Variants in KIAA1217 observed in about 807,000 individuals in gnomAD.
The protein encoded by KIAA1217 is KIAA1217, also known as sickle tail protein homolog.
KIAA1217 carries 88 observed loss-of-function variants against 163.9 expected under a neutral mutation model. The observed-to-expected ratio is 0.54, with a 90% confidence interval of 0.45 to 0.64. The LOEUF is 0.64. Among genes scored for constraint, KIAA1217 ranks in the 30% least tolerant of loss-of-function variants. The pLI, the probability that KIAA1217 is intolerant of heterozygous loss-of-function variation, is 0.00. For missense variants in KIAA1217, 2,372 were observed against 2,475.0 expected, an observed-to-expected ratio of 0.96 and a Z score of 0.88; for synonymous variants, 903 against 923.1, an observed-to-expected ratio of 0.98 and a Z score of 0.39.
At chr10:23,957,945 A>G (rs541031296) in intron 1 of KIAA1217, among the ~76,000 whole-genome samples, 33 of 152,334 alleles carry the variant, frequency 2.2e-4, no homozygotes, top group African/African-American at 7.0e-4. Flanking sequence ...CACCCCACAT[A>G]CAAGAGTTGC....
intron 1 of KIAA1217, among the ~76,000 whole-genome samples, chr10:23,839,231 T>C (rs1364858971): frequency 6.6e-6 from 1 of 152,214 alleles, no homozygotes; most frequent in Non-Finnish European, 1.5e-5. Context: ...CTTTCTTTTC[T>C]TGTTTCATGG....
intron 2 of KIAA1217, among the ~76,000 whole-genome samples, chr10:24,175,650 G>C (rs1274825653): frequency 3.9e-5 from 6 of 152,280 alleles, no homozygotes; most frequent in Admixed American, 2.0e-4. Flanking sequence ...GAGTGTTACA[G>C]TCCTTAAAGA....
intron 2 of KIAA1217, among the ~76,000 whole-genome samples, chr10:24,085,897 G>C (rs917303611): frequency 6.6e-6 from 1 of 151,970 alleles, no homozygotes; most frequent in African/African-American, 2.4e-5. Flanking sequence ...CACTTAAGCA[G>C]AGGAGGTTGA....
chr10:23,778,157 T>C (rs2130895708), intron 1 of KIAA1217, among the ~76,000 whole-genome samples: 1 of 152,232 alleles, frequency 6.6e-6, no homozygotes, highest in South Asian at 2.1e-4. Context: ...GTCAGGCTGG[T>C]CTTGAACTCC....
At chr10:24,039,255 A>G (rs959617658) in intron 2 of KIAA1217, among the ~76,000 whole-genome samples, 20 of 151,954 alleles carry the variant, frequency 1.3e-4, no homozygotes, top group Non-Finnish European at 2.5e-4. Flanking sequence ...CAGTGCAGAC[A>G]TCTATGTCAT....
chr10:24,258,586 C>CTT (rs34467674), intron 2 of KIAA1217, among the ~76,000 whole-genome samples: 20 of 138,298 alleles, frequency 1.4e-4, no homozygotes, highest in African/African-American at 2.4e-4. Context: ...GGGCTTACTT[C>CTT]TTTTTTTTTT....
At chr10:23,764,182 A>C (rs1392939350) in intron 1 of KIAA1217, among the ~76,000 whole-genome samples, 1 of 152,216 alleles carries the variant, frequency 6.6e-6, no homozygotes, top group Non-Finnish European at 1.5e-5. Context: ...GACGTTTCAC[A>C]GCCAACTAAC....
At chr10:24,048,032 A>G (rs1300684258) in intron 2 of KIAA1217, among the ~76,000 whole-genome samples, 3 of 152,214 alleles carry the variant, frequency 2.0e-5, no homozygotes, top group Non-Finnish European at 4.4e-5. Context: ...ATGGATTTAT[A>G]TTGATTATGT....
At chr10:24,007,794 T>G (rs1001880710) in intron 2 of KIAA1217, among the ~76,000 whole-genome samples, 2 of 152,156 alleles carry the variant, frequency 1.3e-5, no homozygotes, top group African/African-American at 4.8e-5. Flanking sequence ...ATGGAGGGAA[T>G]AGAATGAATC....
At chr10:24,271,692 G>A (rs774845867) in intron 2 of KIAA1217, among the ~76,000 whole-genome samples, 1 of 151,860 alleles carries the variant, frequency 6.6e-6, no homozygotes, top group Non-Finnish European at 1.5e-5. Flanking sequence ...GGTTGAGGCT[G>A]CAGTGTGTCG....
intron 2 of KIAA1217, among the ~76,000 whole-genome samples, chr10:24,311,983 T>G (rs995189547): frequency 1.3e-5 from 2 of 152,168 alleles, no homozygotes; most frequent in Admixed American, 1.3e-4. Flanking sequence ...CAAAGTGGAC[T>G]TTCCTCGAGG....
chr10:24,156,170 T>G (rs2064864806), intron 2 of KIAA1217, among the ~76,000 whole-genome samples: 1 of 152,214 alleles, frequency 6.6e-6, no homozygotes, highest in Non-Finnish European at 1.5e-5. Flanking sequence ...AACTGATCTC[T>G]GTTCTGTCAC....
intron 2 of KIAA1217, among the ~76,000 whole-genome samples, chr10:24,027,886 A>G (rs1396606172): frequency 3.9e-5 from 6 of 152,104 alleles, no homozygotes; most frequent in East Asian, 1.9e-4. Context: ...TAATAGCACA[A>G]TCTGGGTGAA....
chr10:23,798,554 T>C (rs944826246), intron 1 of KIAA1217, among the ~76,000 whole-genome samples: 12 of 151,858 alleles, frequency 7.9e-5, no homozygotes, highest in African/African-American at 2.9e-4. Context: ...GTATAGTAGT[T>C]TTTTTGTTTG....
At chr10:23,819,536 C>G (rs1246798389) in intron 1 of KIAA1217, among the ~76,000 whole-genome samples, 1 of 152,100 alleles carries the variant, frequency 6.6e-6, no homozygotes, top group Non-Finnish European at 1.5e-5. Context: ...AAATGTAATT[C>G]TCATTAACTT....
intron 1 of KIAA1217, among the ~76,000 whole-genome samples, chr10:23,826,006 AC>A (rs1383255840): frequency 6.6e-6 from 1 of 152,126 alleles, no homozygotes; most frequent in Admixed American, 6.5e-5. Flanking sequence ...ATTGTTAGTT[AC>A]CATCTCCTTG....
At chr10:23,738,498 G>A (rs7095038) in intron 1 of KIAA1217, among the ~76,000 whole-genome samples, 35,316 of 152,012 alleles carry the variant, frequency 0.23, 4,492 homozygotes, top group African/African-American at 0.33. Context: ...GATTTTCTGC[G>A]TGCCTGCTGA....
intron 2 of KIAA1217, among the ~76,000 whole-genome samples, chr10:24,334,119 A>C (rs1023240423): frequency 2.6e-5 from 4 of 152,234 alleles, no homozygotes; most frequent in African/African-American, 4.8e-5. Context: ...GGATACATAC[A>C]TGTTATACAT....
intron 1 of KIAA1217, among the ~76,000 whole-genome samples, chr10:23,986,637 C>T (rs1409778857): frequency 1.3e-5 from 2 of 152,092 alleles, no homozygotes; most frequent in Non-Finnish European, 2.9e-5. Flanking sequence ...TACGTGGAAC[C>T]TGTGAATACA....
Sources: allele counts gnomAD v4.1 joint callset (sites outside exome capture counted in the v4.1 genomes callset), GRCh38; gene constraint gnomAD v4.1.1; transcripts MANE v1.5; gene names NCBI Gene and HGNC (gene_info 2026-07-23, HGNC 2026-07-21).